Variants in CRISPLD2 observed in about 807,000 individuals in gnomAD.
CRISPLD2 encodes cysteine-rich secretory protein LCCL domain-containing 2.
In CRISPLD2, 47 loss-of-function variants were observed where a neutral mutation model predicts 71.1. That is an observed-to-expected ratio of 0.66 (90% confidence interval 0.52 to 0.84). The LOEUF is 0.84. Among genes scored for constraint, CRISPLD2 ranks in the 40% least tolerant of loss-of-function variants. CRISPLD2 has a pLI of 0.00. For missense variants in CRISPLD2, 830 were observed against 651.1 expected (o/e 1.27, Z -2.99); for synonymous variants, 317 against 250.1 (o/e 1.27, Z -2.52).
At chr16:84,857,478 A>G (rs978345109) in intron 6 of CRISPLD2, among the ~76,000 whole-genome samples, 4 of 152,196 alleles carry the variant, frequency 2.6e-5, no homozygotes, top group African/African-American at 9.7e-5. Context: ...GTCCCTGACC[A>G]TCCAGCCAAA....
At chr16:84,879,128 C>T (rs8052237) in intron 12 of CRISPLD2, among the ~76,000 whole-genome samples, 2 of 152,198 alleles carry the variant, frequency 1.3e-5, no homozygotes, top group Non-Finnish European at 2.9e-5. Flanking sequence ...CAGGCTTTCT[C>T]TGGGCCTCCA....
chr16:84,880,603 C>T lies in CRISPLD2; in HGVS notation c.1305+19C>T, dbSNP rs1213274751. On this transcript the variant is annotated intron_variant, in intron 13 of 14. Transcript: ENST00000262424. ...TGCAGATGTGAGTAGGATGCATTTT[C>T]AACAACTATCTCGCAAAGCCTGTTA... 6.2e-7 allele frequency: 1 copy of T among 1,605,778 alleles called. No homozygotes were observed. The highest frequency in any genetic ancestry group is 1.1e-5 in the South Asian group (1 of 90,798).
rs115385837 is a variant in CRISPLD2, at chr16:84,889,700, G to C, written c.1439+337G>C. ...AACAGTCATCCATAACTCATCAGCT[G>C]GGAGAATTTACTGTTAGATTTCTTG... is the stretch of plus-strand genomic sequence containing the variant. On this transcript the variant is annotated intron_variant, in intron 14 of 14. Coordinates refer to ENST00000262424, the MANE Select transcript of CRISPLD2 (RefSeq NM_031476.4). Among the ~76,000 whole-genome samples the C allele has an allele frequency of 2.8e-3, 426 of 151,814 alleles. 1 individual carries two copies. The highest frequency in any genetic ancestry group is 9.7e-3 in the African/African-American group (402 of 41,380).
At chr16:84,837,708 C>T (rs578068104) in intron 1 of CRISPLD2, among the ~76,000 whole-genome samples, 54 of 152,300 alleles carry the variant, frequency 3.5e-4, no homozygotes, top group African/African-American at 1.2e-3. Context: ...TGAGCCACCG[C>T]CCCCGGCCAG....
chr16:84,884,778 CTT>C (rs2071597920), intron 13 of CRISPLD2, among the ~76,000 whole-genome samples: 1 of 152,316 alleles, frequency 6.6e-6, no homozygotes, highest in South Asian at 2.1e-4. Flanking sequence ...TCACAGAAAA[CTT>C]TTGTGTCACT....
At chr16:84,838,768 C>T in intron 2 of CRISPLD2, 33 bp downstream of exon 2, 3 of 1,591,950 alleles carry the variant, frequency 1.9e-6, no homozygotes, top group Non-Finnish European at 2.6e-6. Flanking sequence ...GAGGCTGGCA[C>T]CGGGGGTGGG....
intron 11 of CRISPLD2, among the ~76,000 whole-genome samples, chr16:84,876,333 C>G (rs2143300813): frequency 6.6e-6 from 1 of 152,162 alleles, no homozygotes; most frequent in African/African-American, 2.4e-5. Flanking sequence ...GAAACCCCGT[C>G]TCTACTAAAA....
At chr16:84,895,938 C>A (rs1447721961) in intron 14 of CRISPLD2, among the ~76,000 whole-genome samples, 1 of 152,084 alleles carries the variant, frequency 6.6e-6, no homozygotes, top group Non-Finnish European at 1.5e-5. Context: ...TTAACCAGCC[C>A]AAGGTCCTAA....
At chr16:84,906,066 G>C (rs1472111923) in intron 14 of CRISPLD2, among the ~76,000 whole-genome samples, 1 of 152,100 alleles carries the variant, frequency 6.6e-6, no homozygotes, top group Admixed American at 6.6e-5. Context: ...CCTCTTGTGA[G>C]AGGGCAGTTT....
chr16:84,885,802 T>G (rs1471078380), intron 13 of CRISPLD2, among the ~76,000 whole-genome samples: 1 of 150,868 alleles, frequency 6.6e-6, no homozygotes, highest in Admixed American at 6.7e-5. Context: ...GTGGGAATGT[T>G]GGATCCCTTC....
chr16:84,878,410 T>G (rs1463972393), intron 12 of CRISPLD2, among the ~76,000 whole-genome samples: 1 of 140,068 alleles, frequency 7.1e-6, no homozygotes, highest in Non-Finnish European at 1.5e-5. Flanking sequence ...ATTTTGCTTT[T>G]TCAGCAAAAT....
intron 1 of CRISPLD2, among the ~76,000 whole-genome samples, chr16:84,827,013 T>C (rs1333498407): frequency 6.6e-6 from 1 of 152,020 alleles, no homozygotes; most frequent in Non-Finnish European, 1.5e-5. Context: ...ATGCTTAACA[T>C]ACCAGGGAAG....
At chr16:84,884,389 A>C (rs2071594389) in intron 13 of CRISPLD2, among the ~76,000 whole-genome samples, 1 of 152,216 alleles carries the variant, frequency 6.6e-6, no homozygotes, top group Non-Finnish European at 1.5e-5. Context: ...TGCATAGAAC[A>C]AAGACATGTA....
At position 84,866,925 on chromosome 16, in the gene CRISPLD2, G is replaced by A. The variant is rs755634959; in HGVS notation, c.738G>A (p.Thr246=). The change falls in exon 7 of 15, where the codon ACG becomes ACA. Residue 246 remains threonine, a synonymous_variant. Transcript: ENST00000262424. ...REETYTPKPE[T]DEMNEVETAP... is the part of the protein sequence containing the mutation. ...AAACCTACACTCCAAAACCTGAAAC[G>A]GACGAGATGAATGAGGTGGAAACGG... is the stretch of plus-strand genomic sequence containing the variant. 5.0e-5 allele frequency: 81 copies of A among 1,613,852 alleles called. No individual in the cohort carries two copies. Among genetic ancestry groups the A allele is most frequent in the Admixed American group, 2.0e-4 (12 of 59,984 alleles).
At chr16:84,905,660 G>C (rs2071795136) in intron 14 of CRISPLD2, among the ~76,000 whole-genome samples, 1 of 52,064 alleles carries the variant, frequency 1.9e-5, no homozygotes, top group Admixed American at 2.3e-4. Context: ...CAAAGTGCTG[G>C]GATTCCAGGT....
At chr16:84,821,496 C>T (rs1916229999) in intron 1 of CRISPLD2, among the ~76,000 whole-genome samples, 1 of 152,204 alleles carries the variant, frequency 6.6e-6, no homozygotes, top group Non-Finnish European at 1.5e-5. Context: ...AACTGAGGCT[C>T]AGCAAGGTGA....
At chr16:84,862,281 C>T (rs1917405205) in intron 6 of CRISPLD2, among the ~76,000 whole-genome samples, 1 of 152,202 alleles carries the variant, frequency 6.6e-6, no homozygotes, top group East Asian at 1.9e-4. Context: ...TGGCTCACTG[C>T]AGCCTCAACC....
At chr16:84,853,035 C>G (rs1234669348) in intron 5 of CRISPLD2, among the ~76,000 whole-genome samples, 3 of 152,130 alleles carry the variant, frequency 2.0e-5, no homozygotes, top group African/African-American at 7.2e-5. Context: ...CCACTGCACT[C>G]CAGCCTGGGT....
intron 1 of CRISPLD2, among the ~76,000 whole-genome samples, chr16:84,822,020 A>G (rs1192584765): frequency 1.3e-5 from 2 of 152,246 alleles, no homozygotes; most frequent in African/African-American, 4.8e-5. Context: ...ATGACCAGCC[A>G]CATGACTGTC....
Sources: gnomAD v4.1 joint callset for allele counts (sites outside exome capture counted in the v4.1 genomes callset) on GRCh38, gnomAD v4.1.1 for gene constraint, MANE v1.5 for transcripts, NCBI Gene and HGNC (gene_info 2026-07-23, HGNC 2026-07-21) for gene names.